PRKX: variants seen among roughly 807,000 people sequenced by gnomAD.
PRKX encodes the protein cAMP-dependent protein kinase catalytic subunit PRKX.
A neutral mutation model predicts 22.0 loss-of-function variants in PRKX; 12 were observed. That is an observed-to-expected ratio of 0.54 (90% CI 0.35 to 0.88). The LOEUF (loss-of-function observed/expected upper bound fraction) is 0.88, where lower values mean the gene tolerates loss of function less well. Among genes scored for constraint, PRKX ranks in the 40% least tolerant of loss-of-function variants. PRKX has a pLI of 0.01. For missense variants in PRKX, 217 were observed against 308.0 expected (o/e 0.70, Z 2.21); for synonymous variants, 134 against 137.7 (o/e 0.97, Z 0.19).
Position 3,671,158 on chromosome X carries a change from T to C in PRKX, c.335+3440A>G, listed in dbSNP as rs1418817461. 9.8e-5 allele frequency among the ~76,000 whole-genome samples: 11 copies of C among 111,689 alleles called. 1 individual carries two copies. Among genetic ancestry groups the C allele is most frequent in the African/African-American group, 3.6e-4 (11 of 30,716 alleles). ...CTCAAGAGATTCTAGTGCCCCAGCC[T>C]CCCAAGTAGCTGGGTTATAGACGTG... On this transcript the variant is annotated intron_variant, in intron 2 of 8. Coordinates refer to ENST00000262848, the MANE Select transcript of PRKX (RefSeq NM_005044.5).
At chrX:3,663,443 CACACACACACACACACACACACACAAAA>C (rs1927649313) in intron 2 of PRKX, among the ~76,000 whole-genome samples, 2 of 77,713 alleles carry the variant, frequency 2.6e-5, no homozygotes, top group Admixed American at 3.8e-4. Context: ...CACACACACA[CACACACACACACACACACACACACAAAA>C]AAATTCAATT....
chrX:3,610,540 A>ATGAT (rs1291598969), intron 8 of PRKX, among the ~76,000 whole-genome samples: 2 of 111,248 alleles, frequency 1.8e-5, no homozygotes, highest in African/African-American at 6.5e-5. Flanking sequence ...TATATTAAAA[A>ATGAT]TGATTCCACT....
At chrX:3,701,197 C>G (rs1928562661) in intron 1 of PRKX, among the ~76,000 whole-genome samples, 1 of 111,178 alleles carries the variant, frequency 9.0e-6, no homozygotes, top group Admixed American at 9.6e-5. Context: ...CAGCCTCCAA[C>G]TCCTGGGCTC....
chrX:3,606,257 T>C lies in PRKX; in HGVS notation c.*2712A>G, dbSNP rs1447282684. 1.8e-5 allele frequency: 2 copies of C among 113,022 alleles called. No homozygotes were observed. Among genetic ancestry groups the C allele is most frequent in the African/African-American group, 6.4e-5 (2 of 31,140 alleles). 9.3% of individuals were successfully genotyped at this position (113,022 alleles called of 1,213,427 possible). A position where few individuals can be genotyped will look rare whatever the true frequency, so the allele number is the denominator to read the frequency against. On this transcript the variant is annotated 3_prime_UTR_variant, in exon 9 of 9. Coordinates refer to ENST00000262848, the MANE Select transcript of PRKX (RefSeq NM_005044.5). ...AGTGATTGTTTGTCATGATCATCCA[T>C]ACGGACATTCTGCACCGTGATTGTT...
At chrX:3,639,659 T>C (rs1356927375) in intron 4 of PRKX, among the ~76,000 whole-genome samples, 2 of 109,276 alleles carry the variant, frequency 1.8e-5, no homozygotes, top group Non-Finnish European at 3.8e-5. Context: ...ACAATACACA[T>C]GGATAGCTAG....
intron 1 of PRKX, among the ~76,000 whole-genome samples, chrX:3,680,971 G>A (rs1928060249): frequency 8.9e-6 from 1 of 111,888 alleles, no homozygotes; most frequent in Non-Finnish European, 1.9e-5. Flanking sequence ...CTACTGGGGA[G>A]GCTGAAGTGG....
intron 1 of PRKX, among the ~76,000 whole-genome samples, chrX:3,680,763 G>A (rs887901592): frequency 1.4e-4 from 16 of 111,959 alleles, no homozygotes; most frequent in African/African-American, 5.2e-4. Flanking sequence ...GGGCTGGGGG[G>A]AATCTACAGC....
chrX:3,613,558 C>T (rs1363657155), intron 7 of PRKX, among the ~76,000 whole-genome samples: 2 of 109,712 alleles, frequency 1.8e-5, no homozygotes, highest in Non-Finnish European at 3.8e-5. Context: ...CAAAATGATG[C>T]ATCAGCCCAG....
chrX:3,663,199 T>C (rs1201854311), intron 2 of PRKX, among the ~76,000 whole-genome samples: 5 of 107,303 alleles, frequency 4.7e-5, no homozygotes, highest in Non-Finnish European at 9.6e-5. Flanking sequence ...TCAGCAGAGA[T>C]CAGAGATCAG....
At chrX:3,619,796 G>A (rs187048587) in intron 6 of PRKX, among the ~76,000 whole-genome samples, 7 of 111,044 alleles carry the variant, frequency 6.3e-5, no homozygotes, top group African/African-American at 9.8e-5. Flanking sequence ...CTGGAGACTC[G>A]TAAACCACAC....
chrX:3,630,297 T>C (rs7888436), intron 4 of PRKX, among the ~76,000 whole-genome samples: 36,274 of 111,231 alleles, frequency 0.33, 4,321 homozygotes, highest in Non-Finnish European at 0.35. Context: ...CGGTGGCTCA[T>C]GCCTGTAATC....
At chrX:3,702,471 TAAC>T (rs942436704) in intron 1 of PRKX, among the ~76,000 whole-genome samples, 4 of 109,908 alleles carry the variant, frequency 3.6e-5, no homozygotes, top group Admixed American at 9.8e-5. Flanking sequence ...ACATCCAAAA[TAAC>T]TACCTCGGAG....
Position 3,665,192 on chromosome X carries a change from G to A in PRKX, c.335+9406C>T, listed in dbSNP as rs1220950022. ...TGCGTGCTTGTGTGTGTGCGTTTGT[G>A]TGAGGGGGCTTTTTTAACACAAAGA... On this transcript the variant is annotated intron_variant, in intron 2 of 8. Transcript: ENST00000262848. Among the ~76,000 whole-genome samples the A allele has an allele frequency of 9.8e-5, 11 of 112,117 alleles. No individual in the cohort carries two copies. The South Asian group carries it at 3.0e-3, about 30-fold the overall frequency.
intron 4 of PRKX, among the ~76,000 whole-genome samples, chrX:3,630,538 C>T (rs768767259): frequency 8.3e-4 from 92 of 111,361 alleles, no homozygotes; most frequent in African/African-American, 2.6e-3. Context: ...CCAGCCTGGG[C>T]GACAGAGCAA....
intron 1 of PRKX, among the ~76,000 whole-genome samples, chrX:3,705,137 C>T (rs951011919): frequency 1.8e-5 from 2 of 111,606 alleles, no homozygotes; most frequent in African/African-American, 6.5e-5. Flanking sequence ...AAACAACAGA[C>T]ATTTACCGCT....
intron 2 of PRKX, among the ~76,000 whole-genome samples, chrX:3,669,436 T>C (rs1294178228): frequency 3.6e-5 from 4 of 112,049 alleles, no homozygotes; most frequent in Non-Finnish European, 5.6e-5. Context: ...CTTAGCAGTA[T>C]CTAGAGACAT....
At position 3,621,333 on chromosome X, in the gene PRKX, G is replaced by GAA; in HGVS notation, c.816-18_816-17insTT. On this transcript the variant is annotated splice_polypyrimidine_tract_variant and intron_variant, in intron 5 of 8. Coordinates refer to ENST00000262848, the MANE Select transcript of PRKX (RefSeq NM_005044.5). ...ATGAGGTCTCTATGTTGGGGAAGGA[G>GAA]ACAAAAAAAAAAAAAGTACACAGAT... The GAA allele has an allele frequency of 3.5e-6, 4 of 1,129,263 alleles. No homozygotes were observed. The highest frequency in any genetic ancestry group is 5.3e-5 in the Admixed American group (2 of 37,638). The allele number at this position is 1,129,263 out of a possible 1,213,427, so 93.1% of individuals were successfully genotyped here. A position where few individuals can be genotyped will look rare whatever the true frequency, so the allele number is the denominator to read the frequency against.
Position 3,692,678 on chromosome X carries a change from C to T in PRKX, c.167-17912G>A, listed in dbSNP as rs758860413. ...GAGTAGCTGGGACTACAGGCACCCA[C>T]CACCACGCCTGGCTAATTTTTTGTA... On this transcript the variant is annotated intron_variant, in intron 1 of 8. Transcript: ENST00000262848. Among the ~76,000 whole-genome samples, 145 of 110,433 alleles carry T rather than the reference C, an allele frequency of 1.3e-3. 1 individual carries two copies. The highest frequency in any genetic ancestry group is 4.3e-3 in the African/African-American group (131 of 30,355).
At chrX:3,615,733 AAAG>A in intron 7 of PRKX, 79 bp downstream of exon 7, 1 of 784,974 alleles carries the variant, frequency 1.3e-6, no homozygotes, top group Non-Finnish European at 1.9e-6. Context: ...AGCCATCAAT[AAAG>A]AAGTCCCAGG....
Sources: allele counts gnomAD v4.1 joint callset (sites outside exome capture counted in the v4.1 genomes callset), GRCh38; gene constraint gnomAD v4.1.1; transcripts MANE v1.5; gene names NCBI Gene and HGNC (gene_info 2026-07-23, HGNC 2026-07-21).